TJP3: variants seen among roughly 807,000 people sequenced by gnomAD.
The protein encoded by TJP3 is tight junction protein ZO-3.
Under a neutral mutation model 104.2 loss-of-function variants are expected in TJP3, and 85 were observed. The observed-to-expected ratio is 0.82, with a 90% confidence interval of 0.68 to 0.98. The LOEUF (loss-of-function observed/expected upper bound fraction) is 0.98, where lower values mean the gene tolerates loss of function less well. TJP3 is among the 50% of genes least tolerant of loss of function. TJP3 has a pLI of 0.00. For synonymous variants in TJP3, 550 were observed against 550.6 expected, an observed-to-expected ratio of 1.00 and a Z score of 0.02; for missense variants, 1,367 against 1,322.8, an observed-to-expected ratio of 1.03 and a Z score of -0.52.
chr19:3,731,808 T>C (rs2036674966), intron 5 of TJP3, 127 bp from the exon 6 acceptor site: 2 of 663,834 alleles, frequency 3.0e-6, no homozygotes, highest in Middle Eastern at 5.0e-4. Context: ...GACATCACTG[T>C]TCTCCTTATG....
intron 1 of TJP3, among the ~76,000 whole-genome samples, chr19:3,716,965 AC>A (rs1275234507): frequency 9.7e-6 from 1 of 103,040 alleles, no homozygotes; most frequent in Non-Finnish European, 2.1e-5. Context: ...CGCCCAGGTG[AC>A]TTTTTTTTTT....
At chr19:3,749,314 G>A (rs1383015973) in intron 19 of TJP3, among the ~76,000 whole-genome samples, 2 of 152,030 alleles carry the variant, frequency 1.3e-5, no homozygotes, top group African/African-American at 4.8e-5. Flanking sequence ...GTGTCTTTTT[G>A]AACTTGACCT....
In TJP3 at chr19:3,738,989, T is replaced by A. The variant is rs761706569; in HGVS notation, c.1486T>A (p.Phe496Ile). 79 of 1,613,130 alleles carry A rather than the reference T, an allele frequency of 4.9e-5. No individual in the cohort carries two copies. The highest frequency in any genetic ancestry group is 2.6e-5 in the Non-Finnish European group (31 of 1,179,872). The stretch of plus-strand genomic sequence containing the variant: ...GCCCAGTCCACCGTCTGGCCTGGGC[T>A]TCACCCGTGGCGACGTCTTCCACGT... ...LEPSPPSGLG[F>I]TRGDVFHVLD... Residue 496 changes from phenylalanine to isoleucine, a missense_variant, in exon 13 of 21, where the codon TTC (phenylalanine) becomes ATC (isoleucine). Coordinates refer to ENST00000541714, the MANE Select transcript of TJP3 (RefSeq NM_001267560.2).
rs760129415 is a variant in TJP3, at chr19:3,730,829, C to T, written c.613+123C>T. On this transcript the variant is annotated intron_variant, in intron 5 of 20. Transcript: ENST00000541714. This position sits in a 1 kb window ranked among gnomAD's most constrained non-coding sequence, Gnocchi z 7.3. Reference sequence around the variant, plus strand: ...CCTGGTGGCTGGGACTCCAGGCGCCCGCCACCATGCCTGGCTAATTTTTGT... The same window carrying T: ...CCTGGTGGCTGGGACTCCAGGCGCCTGCCACCATGCCTGGCTAATTTTTGT... The T allele has an allele frequency of 2.6e-4, 274 of 1,035,430 alleles. No individual in the cohort carries two copies. Among genetic ancestry groups the T allele is most frequent in the Middle Eastern group, 5.6e-4 (2 of 3,578 alleles). 64.1% of individuals were successfully genotyped at this position (1,035,430 alleles called of 1,614,324 possible).
At chr19:3,742,943 G>A (rs894098379) in intron 14 of TJP3, among the ~76,000 whole-genome samples, 2 of 149,866 alleles carry the variant, frequency 1.3e-5, no homozygotes, top group Admixed American at 6.7e-5. Flanking sequence ...CGCCAGCCTC[G>A]GTGACACAGC....
At chr19:3,719,174 G>A (rs1371162455) in intron 1 of TJP3, among the ~76,000 whole-genome samples, 1 of 151,992 alleles carries the variant, frequency 6.6e-6, no homozygotes, top group Non-Finnish European at 1.5e-5. Flanking sequence ...CAGAATGAGT[G>A]TCCGTCTTGG....
At chr19:3,733,429 T>C (rs2036697753) in intron 6 of TJP3, among the ~76,000 whole-genome samples, 1 of 152,242 alleles carries the variant, frequency 6.6e-6, no homozygotes, top group Admixed American at 6.5e-5. Flanking sequence ...TAGAGTTGTT[T>C]ATAATGTCAC....
intron 15 of TJP3, among the ~76,000 whole-genome samples, chr19:3,744,285 A>G (rs909441959): frequency 1.3e-5 from 2 of 152,146 alleles, no homozygotes; most frequent in African/African-American, 4.8e-5. Flanking sequence ...GCCACCTGTT[A>G]TTTGTTTAAG....
At chr19:3,718,191 CAAAAAAA>C (rs398033736) in intron 1 of TJP3, among the ~76,000 whole-genome samples, 3 of 42,282 alleles carry the variant, frequency 7.1e-5, no homozygotes, top group South Asian at 2.2e-3. Context: ...GACTCCAACT[CAAAAAAA>C]AAAAAAAAAA....
At chr19:3,713,196 C>T (rs2036448682) in intron 1 of TJP3, among the ~76,000 whole-genome samples, 1 of 152,112 alleles carries the variant, frequency 6.6e-6, no homozygotes, top group African/African-American at 2.4e-5. Context: ...CCTCAAAGGT[C>T]GTTTGGATCT....
Position 3,747,889 on chromosome 19 carries a change from C to T in TJP3, c.2418C>T (p.Asp806=), listed in dbSNP as rs2036922397. 2.5e-6 allele frequency: 4 copies of T among 1,613,278 alleles called. No homozygotes were observed. The highest frequency in any genetic ancestry group is 3.4e-6 in the Non-Finnish European group (4 of 1,179,952). ...DLSCDSRVNS[D]YETDGEGGAY... ...GCTGCGACAGCCGCGTTAACAGCGA[C>T]TACGAGACGGACGGCGAGGGCGGCG... The change falls in exon 19 of 21, where the codon GAC becomes GAT. Residue 806 remains aspartate (D), a synonymous_variant. Coordinates refer to ENST00000541714, the MANE Select transcript of TJP3 (RefSeq NM_001267560.2).
rs373394367 is a variant in TJP3, at chr19:3,740,662, G to A, written c.1742G>A (p.Arg581His). The A allele has an allele frequency of 6.2e-6, 10 of 1,607,584 alleles. No individual in the cohort carries two copies. Among genetic ancestry groups the A allele is most frequent in the East Asian group, 2.2e-5 (1 of 44,622 alleles). ...RAEFWRLRGL[R>H]RGAKKTTQRS... ...GAGTTCTGGCGGCTGCGGGGTCTTC[G>A]TCGAGGAGCCAAGAAGACCACTCAG... Residue 581 changes from arginine to histidine, a missense_variant, in exon 14 of 21, where the codon CGT becomes CAT. Physicochemically the swap from Arg to His is conservative, Grantham distance 29. Transcript: ENST00000541714.
Position 3,716,133 on chromosome 19 carries a change from C to T in TJP3, c.-10+7572C>T, listed in dbSNP as rs534261481. ...CATTGCCCAGGCTGGAGTGCAGTGG[C>T]GCCATCTCAGATCACTGCGACCTCT... On this transcript the variant is annotated intron_variant, in intron 1 of 20. Coordinates refer to ENST00000541714, the MANE Select transcript of TJP3 (RefSeq NM_001267560.2). Among the ~76,000 whole-genome samples, 12 of 145,752 alleles carry T rather than the reference C, an allele frequency of 8.2e-5. 2 individuals carry two copies. The highest frequency in any genetic ancestry group is 1.5e-4 in the African/African-American group (6 of 41,094).
intron 19 of TJP3, 35 bp downstream of exon 19, chr19:3,748,116 T>C: frequency 2.0e-6 from 3 of 1,511,262 alleles, no homozygotes; most frequent in African/African-American, 2.8e-5. Flanking sequence ...CTGGGAAGGG[T>C]CTCCGGAGGG....
chr19:3,750,319 C>G, intron 20 of TJP3, 135 bp downstream of exon 20: 1 of 1,247,708 alleles, frequency 8.0e-7, no homozygotes, highest in South Asian at 1.3e-5. Context: ...CTGCCAGAGC[C>G]TCTCTAAGCC....
At chr19:3,713,056 C>T (rs2036447319) in intron 1 of TJP3, among the ~76,000 whole-genome samples, 1 of 152,020 alleles carries the variant, frequency 6.6e-6, no homozygotes. Flanking sequence ...CTTCAAAGTG[C>T]CCCCCATGAG....
Position 3,748,339 on chromosome 19 carries a change from T to G in TJP3, c.2610+258T>G, listed in dbSNP as rs560443434. 4.6e-5 allele frequency among the ~76,000 whole-genome samples: 7 copies of G among 150,806 alleles called. No individual in the cohort carries two copies. In the South Asian group the frequency reaches 1.5e-3, roughly 32 times the overall value. On this transcript the variant is annotated intron_variant, in intron 19 of 20. Coordinates refer to ENST00000541714, the MANE Select transcript of TJP3 (RefSeq NM_001267560.2). Reference sequence around the variant, plus strand: ...TAGGCTGGAGTGCAATGGCGCAATCTTGGCTCACTGCAACCTCCACCTCCC... The same window carrying G: ...TAGGCTGGAGTGCAATGGCGCAATCGTGGCTCACTGCAACCTCCACCTCCC...
In TJP3 at chr19:3,734,360, C is replaced by A. The variant is rs759560319; in HGVS notation, c.911C>A (p.Ala304Glu). The change falls in exon 8 of 21, where the codon GCA becomes GAA. Residue 304 changes from alanine (A) to glutamate (E), a missense_variant. Transcript: ENST00000541714. ...ISDLASELSQ[A>E]PPSHIPPPPR... ...GACCTCGCCTCGGAGCTATCGCAGG[C>A]ACCACCATCCCACATCCCACCACCA... 2.7e-5 allele frequency: 43 copies of A among 1,613,700 alleles called. No homozygotes were observed. Among genetic ancestry groups the A allele is most frequent in the Non-Finnish European group, 3.4e-5 (40 of 1,180,024 alleles).
rs373824930 is a variant in TJP3, at chr19:3,740,606, C to T, written c.1686C>T (p.Pro562=). Residue 562 remains proline (P), a synonymous_variant, in exon 14 of 21, where the codon CCC becomes CCT. Coordinates refer to ENST00000541714, the MANE Select transcript of TJP3 (RefSeq NM_001267560.2). ...CCCAGAGGGCCGTGGGAGTCGGGCC[C>T]GGCTCCTCCGCGGGCTCCAATGCTC... ...EAAQRAVGVG[P]GSSAGSNARA... 8.3e-5 allele frequency: 129 copies of T among 1,561,332 alleles called. 2 individuals are homozygous for T. Among genetic ancestry groups the T allele is most frequent in the South Asian group, 7.6e-4 (64 of 84,024 alleles).
Sources: gnomAD v4.1 joint callset for allele counts (sites outside exome capture counted in the v4.1 genomes callset) on GRCh38, gnomAD v4.1.1 for gene constraint, Gnocchi (gnomAD v3.1) non-coding constraint, MANE v1.5 for transcripts, NCBI Gene and HGNC (gene_info 2026-07-23, HGNC 2026-07-21) for gene names.